Variants in SLC66A1 observed in about 807,000 individuals in gnomAD.
SLC66A1 encodes the protein lysosomal amino acid transporter 1 homolog.
SLC66A1 carries 23 observed loss-of-function variants against 33.0 expected under a neutral mutation model. The observed-to-expected ratio is 0.70, with a 90% CI of 0.50 to 0.99. The LOEUF (loss-of-function observed/expected upper bound fraction) is 0.99. Ranked by LOEUF, SLC66A1 falls within the 50% of genes least tolerant of loss-of-function variation. The probability of loss-of-function intolerance (pLI) is 0.00; values close to 1 mark genes in which losing one functional copy is unlikely to be tolerated. For synonymous variants in SLC66A1, 164 were observed against 175.5 expected (o/e 0.93, Z 0.52); for missense variants, 335 against 383.6 (o/e 0.87, Z 1.06).
chr1:19,325,633 A>T (rs1558151936), intron 4 of SLC66A1, 51 bp downstream of exon 4: 1,034 of 872,254 alleles, frequency 1.2e-3, no homozygotes, highest in Non-Finnish European at 1.5e-3. Context: ...AGCAGGGGGC[A>T]GTTGTGGGGG....
At chr1:19,325,789 C>T (rs2093862622) in intron 4 of SLC66A1, among the ~76,000 whole-genome samples, 1 of 152,226 alleles carries the variant, frequency 6.6e-6, no homozygotes, top group Non-Finnish European at 1.5e-5. Context: ...CGTCCTGGCC[C>T]AGACCACAGG....
chr1:19,324,520 C>A, intron 2 of SLC66A1, 113 bp from the exon 3 acceptor site: 1 of 1,370,414 alleles, frequency 7.3e-7, no homozygotes, highest in Non-Finnish European at 1.0e-6. Flanking sequence ...GCCACTTCCT[C>A]TCCATCGCCG....
chr1:19,322,099 G>A (rs1019996687), intron 2 of SLC66A1, among the ~76,000 whole-genome samples: 3 of 152,154 alleles, frequency 2.0e-5, no homozygotes, highest in African/African-American at 2.4e-5. Flanking sequence ...GAGTGACAGA[G>A]AGAGAGTGGA....
intron 1 of SLC66A1, among the ~76,000 whole-genome samples, chr1:19,316,261 C>T (rs1193407265): frequency 6.6e-6 from 1 of 152,088 alleles, no homozygotes; most frequent in African/African-American, 2.4e-5. Flanking sequence ...CTGCATCGTC[C>T]CAAACTTGAG....
rs889623366 is a variant in SLC66A1 at position 19,312,791 on chromosome 1, TG to T, written c.-174del. ...TGGCCGAGGACGCCGAGGCCTGGAGTGGGTGGTAGCCCCGAGCTGGGACGCT... is the reference window on the plus strand; with the variant it reads ...TGGCCGAGGACGCCGAGGCCTGGAGTGGTGGTAGCCCCGAGCTGGGACGCT... On this transcript the variant is annotated 5_prime_UTR_variant, in exon 1 of 8. An upstream open reading frame in the 5' UTR loses its in-frame stop. Coordinates refer to ENST00000375153, the MANE Select transcript of SLC66A1 (RefSeq NM_001040125.2). 2.0e-4 allele frequency: 30 copies of T among 152,898 alleles called. No homozygotes were observed. Among genetic ancestry groups the T allele is most frequent in the African/African-American group, 6.5e-4 (27 of 41,398 alleles). The allele number at this position is 152,898 out of a possible 1,614,324, so 9.5% of individuals were successfully genotyped here. A position where few individuals can be genotyped will look rare whatever the true frequency, so the allele number is the denominator to read the frequency against.
At position 19,328,712 on chromosome 1, in the gene SLC66A1, C is replaced by A; in HGVS notation, c.*69C>A. 1 of 1,538,354 alleles carries A rather than the reference C, an allele frequency of 6.5e-7. No individual in the cohort carries two copies. Among genetic ancestry groups the A allele is most frequent in the Non-Finnish European group, 8.9e-7 (1 of 1,121,712 alleles). On this transcript the variant is annotated 3_prime_UTR_variant, in exon 8 of 8. Transcript: ENST00000375153. The surrounding 1 kb of genome is among the most constrained non-coding windows in gnomAD (Gnocchi z 4.7). Reference sequence around the variant, plus strand: ...CACACCAGGCAGGAGGAGGTGTGGACAGTGATGGTACGGCGGCCCTGCATC... The same window carrying A: ...CACACCAGGCAGGAGGAGGTGTGGAAAGTGATGGTACGGCGGCCCTGCATC...
downstream of SLC66A1, among the ~76,000 whole-genome samples, chr1:19,329,982 CCT>C (rs1273260533): frequency 8.5e-5 from 13 of 152,112 alleles, no homozygotes; most frequent in African/African-American, 2.7e-4. Context: ...TTGTCCAGAC[CCT>C]GTTTTATTTT....
At chr1:19,325,028 A>G (rs2152011220) in intron 3 of SLC66A1, among the ~76,000 whole-genome samples, 2 of 152,314 alleles carry the variant, frequency 1.3e-5, no homozygotes, top group South Asian at 4.1e-4. Flanking sequence ...AGGGTGCTGG[A>G]GTGCTGGCGA....
At chr1:19,321,419 A>C (rs1357680303) in intron 2 of SLC66A1, among the ~76,000 whole-genome samples, 1 of 149,358 alleles carries the variant, frequency 6.7e-6, no homozygotes, top group Non-Finnish European at 1.5e-5. Flanking sequence ...GATTTAAGCA[A>C]TCCTCCTGTC....
At position 19,313,213 on chromosome 1, in the gene SLC66A1, G is replaced by A. The variant is rs1443442679; in HGVS notation, c.-79+324G>A. On this transcript the variant is annotated intron_variant, in intron 1 of 7. Transcript: ENST00000375153. The stretch of plus-strand genomic sequence containing the variant: ...TGAGTTCCAGACTGGTAGGCATCGG[G>A]CAGGTCTGTTCCAGAGTGCTTTTCT... 3 of 985,284 alleles carry A rather than the reference G, an allele frequency of 3.0e-6. No homozygotes were observed. In the East Asian group the frequency reaches 3.4e-4, roughly 112 times the overall value. 61.0% of individuals were successfully genotyped at this position (985,284 alleles called of 1,614,324 possible). A position where few individuals can be genotyped will look rare whatever the true frequency, so the allele number is the denominator to read the frequency against.
At chr1:19,331,764 T>C (rs770886367), downstream of SLC66A1, among the ~76,000 whole-genome samples, 1 of 152,126 alleles carries the variant, frequency 6.6e-6, no homozygotes, top group Non-Finnish European at 1.5e-5. Flanking sequence ...GGGGGCACAG[T>C]ATAGCCACAT....
intron 2 of SLC66A1, among the ~76,000 whole-genome samples, chr1:19,324,204 C>T (rs985237997): frequency 1.3e-5 from 2 of 152,256 alleles, no homozygotes; most frequent in East Asian, 1.9e-4. Context: ...GCCTTCGGCC[C>T]GCACGTCCCT....
intron 2 of SLC66A1, among the ~76,000 whole-genome samples, chr1:19,323,334 T>C (rs959027881): frequency 2.6e-5 from 4 of 152,208 alleles, no homozygotes; most frequent in Non-Finnish European, 5.9e-5. Context: ...GTGGGAAGAA[T>C]GCCGGTTTCT....
At chr1:19,316,535 C>T (rs1032072115) in intron 1 of SLC66A1, among the ~76,000 whole-genome samples, 2 of 152,110 alleles carry the variant, frequency 1.3e-5, no homozygotes, top group South Asian at 2.1e-4. Flanking sequence ...GGACTACAAG[C>T]GTGTGCCACC....
intron 1 of SLC66A1, among the ~76,000 whole-genome samples, chr1:19,316,353 TTGTGTGTGTG>T (rs36226389): frequency 0.19 from 27,626 of 144,852 alleles, 2,839 homozygotes; most frequent in South Asian, 0.27. Flanking sequence ...TCTTTATGGT[TTGTGTGTGTG>T]TGTGTGTGTG....
chr1:19,332,354 C>T (rs1233371188), downstream of SLC66A1, among the ~76,000 whole-genome samples: 3 of 152,308 alleles, frequency 2.0e-5, no homozygotes, highest in Non-Finnish European at 4.4e-5. Context: ...TCAAGATGAG[C>T]ACGGAGGCTC....
downstream of SLC66A1, among the ~76,000 whole-genome samples, chr1:19,332,546 G>T (rs1010466695): frequency 6.6e-6 from 1 of 152,156 alleles, no homozygotes; most frequent in African/African-American, 2.4e-5. Context: ...GAGGCAGGAG[G>T]ATCACTTGAG....
chr1:19,317,708 T>C lies in SLC66A1; in HGVS notation c.31T>C (p.Phe11Leu), dbSNP rs1342964195. Residue 11 changes from phenylalanine to leucine, a missense_variant, in exon 2 of 8, where the codon TTC (phenylalanine) becomes CTC (leucine). Phe to Leu is a conservative substitution (Grantham distance 22). Transcript: ENST00000375153. MVWKKLGSRN[F>L]SSCPSGSIQW... ...CTGGAAGAAACTGGGCTCCCGCAAC[T>C]TCTCCAGCTGCCCCAGTGGCTCCAT... 6.2e-7 allele frequency: 1 copy of C among 1,614,168 alleles called. No individual in the cohort carries two copies. The highest frequency in any genetic ancestry group is 8.5e-7 in the Non-Finnish European group (1 of 1,179,992).
At chr1:19,331,299 C>T (rs1025227315), downstream of SLC66A1, among the ~76,000 whole-genome samples, 5 of 152,240 alleles carry the variant, frequency 3.3e-5, no homozygotes, top group South Asian at 8.3e-4. Flanking sequence ...GGTGTGCCAC[C>T]GCGCCCGGCC....
Sources: gnomAD v4.1 joint callset for allele counts (sites outside exome capture counted in the v4.1 genomes callset) on GRCh38, gnomAD v4.1.1 for gene constraint, Gnocchi (gnomAD v3.1) non-coding constraint, MANE v1.5 for transcripts, NCBI Gene and HGNC (gene_info 2026-07-23, HGNC 2026-07-21) for gene names.